The following FSTL5 variants were observed in gnomAD, a reference collection of about 807,000 sequenced individuals.
FSTL5 encodes the protein follistatin like 5.
FSTL5 carries 62 observed loss-of-function variants against 89.1 expected under a neutral mutation model. The ratio of observed to expected loss-of-function variants is 0.70; its 90% confidence interval spans 0.57 to 0.86. The LOEUF (loss-of-function observed/expected upper bound fraction) is 0.86, where lower values mean the gene tolerates loss of function less well. Among genes scored for constraint, FSTL5 ranks in the 40% least tolerant of loss-of-function variants. The probability of loss-of-function intolerance (pLI) is 0.00; values close to 1 mark genes in which losing one functional copy is unlikely to be tolerated. For synonymous variants in FSTL5, 383 were observed against 346.2 expected, an observed-to-expected ratio of 1.11 and a Z score of -1.18; for missense variants, 1,057 against 1,001.6, an observed-to-expected ratio of 1.06 and a Z score of -0.75.
chr4:161,893,992 A>T (rs999265337), intron 4 of FSTL5, among the ~76,000 whole-genome samples: 1 of 152,206 alleles, frequency 6.6e-6, no homozygotes, highest in Non-Finnish European at 1.5e-5. Context: ...AATTTTGCCC[A>T]TTGTAGAAAC....
intron 15 of FSTL5, among the ~76,000 whole-genome samples, chr4:161,419,904 T>A (rs1033861561): frequency 6.6e-6 from 1 of 152,158 alleles, no homozygotes; most frequent in African/African-American, 2.4e-5. Context: ...ACAATAACCA[T>A]TCAGCTGAAG....
intron 3 of FSTL5, among the ~76,000 whole-genome samples, chr4:161,977,635 A>T (rs1308659570): frequency 6.4e-4 from 78 of 122,188 alleles, no homozygotes; most frequent in South Asian, 2.8e-3. Context: ...AAAAAAAAAA[A>T]AAAAAATAAT....
chr4:162,150,806 G>A (rs531049006), intron 1 of FSTL5, among the ~76,000 whole-genome samples: 312 of 152,056 alleles, frequency 2.1e-3, no homozygotes, highest in Non-Finnish European at 3.7e-3. Context: ...TCAACTTCTG[G>A]GGAAATGTTA....
chr4:161,475,386 T>C (rs1051080489), intron 13 of FSTL5, among the ~76,000 whole-genome samples: 1 of 152,162 alleles, frequency 6.6e-6, no homozygotes, highest in African/African-American at 2.4e-5. Context: ...GCAGTGCATA[T>C]GTTGGTACAC....
intron 8 of FSTL5, among the ~76,000 whole-genome samples, chr4:161,579,574 G>A (rs1466723910): frequency 6.6e-6 from 1 of 151,858 alleles, no homozygotes; most frequent in African/African-American, 2.4e-5. Context: ...AAAATTAGCT[G>A]GGCATGGTGG....
At chr4:161,470,649 T>G (rs1213124836) in intron 13 of FSTL5, among the ~76,000 whole-genome samples, 1 of 152,102 alleles carries the variant, frequency 6.6e-6, no homozygotes, top group Admixed American at 6.6e-5. Context: ...GGGATTTTGA[T>G]AAGAATTTCA....
At chr4:162,128,596 T>C (rs571015071) in intron 1 of FSTL5, among the ~76,000 whole-genome samples, 1 of 152,256 alleles carries the variant, frequency 6.6e-6, no homozygotes, top group South Asian at 2.1e-4. Flanking sequence ...TTTATAACCT[T>C]CCCAGCTTAT....
intron 3 of FSTL5, among the ~76,000 whole-genome samples, chr4:161,979,870 G>A (rs1332837314): frequency 6.6e-6 from 1 of 152,064 alleles, no homozygotes; most frequent in Non-Finnish European, 1.5e-5. Flanking sequence ...TCCATAATGA[G>A]TGACTGTTTC....
chr4:161,839,736 G>A (rs1324543714), intron 4 of FSTL5, among the ~76,000 whole-genome samples: 1 of 152,190 alleles, frequency 6.6e-6, no homozygotes, highest in African/African-American at 2.4e-5. Flanking sequence ...AAAAGGGAAT[G>A]AAAGACTTTA....
At chr4:161,489,673 T>C (rs1302939714) in intron 12 of FSTL5, among the ~76,000 whole-genome samples, 1 of 151,988 alleles carries the variant, frequency 6.6e-6, no homozygotes, top group Non-Finnish European at 1.5e-5. Flanking sequence ...GGGAAAAAAA[T>C]TAAAACTAAA....
chr4:161,903,034 A>G (rs532462192), intron 4 of FSTL5, among the ~76,000 whole-genome samples: 4 of 152,318 alleles, frequency 2.6e-5, no homozygotes, highest in African/African-American at 9.6e-5. Flanking sequence ...TACTCATACT[A>G]GAAACGGAGT....
chr4:161,553,267 A>T (rs867765065), intron 8 of FSTL5, among the ~76,000 whole-genome samples: 44 of 151,544 alleles, frequency 2.9e-4, no homozygotes, highest in South Asian at 2.5e-3. Context: ...CAAATAATTT[A>T]TTATGTATAT....
intron 2 of FSTL5, among the ~76,000 whole-genome samples, chr4:162,087,045 A>G (rs1730349839): frequency 6.6e-6 from 1 of 152,114 alleles, no homozygotes. Context: ...AAATTTGAGA[A>G]AATCCATAAA....
chr4:161,611,535 A>G (rs988908816), intron 7 of FSTL5, among the ~76,000 whole-genome samples: 1 of 152,018 alleles, frequency 6.6e-6, no homozygotes, highest in Non-Finnish European at 1.5e-5. Flanking sequence ...ATTCCCAAAT[A>G]TTTATATAAT....
At chr4:161,579,856 A>G (rs1240594354) in intron 8 of FSTL5, among the ~76,000 whole-genome samples, 1 of 152,148 alleles carries the variant, frequency 6.6e-6, no homozygotes, top group Non-Finnish European at 1.5e-5. Context: ...CCAAAGTCAT[A>G]CATTTTCAAG....
rs73860716 is a variant in FSTL5, at chr4:161,762,326, C to T, written c.607-2795G>A. ...ATGGTCAAAAAGAAAGTATGAAAAA[C>T]TACACAAGTAGACTTCCTTCCTCAG... On this transcript the variant is annotated intron_variant, in intron 5 of 15. Transcript: ENST00000306100. Among the ~76,000 whole-genome samples the T allele has an allele frequency of 2.9e-3, 441 of 152,202 alleles. 1 individual carries two copies. Among genetic ancestry groups the T allele is most frequent in the African/African-American group, 9.2e-3 (381 of 41,538 alleles).
chr4:161,531,822 A>G (rs1189393199), intron 10 of FSTL5, among the ~76,000 whole-genome samples: 2 of 152,194 alleles, frequency 1.3e-5, no homozygotes, highest in Non-Finnish European at 2.9e-5. Flanking sequence ...ATTTGTATGC[A>G]TTATTATAAA....
intron 10 of FSTL5, among the ~76,000 whole-genome samples, chr4:161,525,157 T>C (rs575989558): frequency 6.6e-6 from 1 of 152,104 alleles, no homozygotes; most frequent in African/African-American, 2.4e-5. Flanking sequence ...CTACTATATA[T>C]TATTGTTGCC....
chr4:161,675,736 TG>T (rs1333324780), intron 6 of FSTL5, among the ~76,000 whole-genome samples: 4 of 151,976 alleles, frequency 2.6e-5, no homozygotes, highest in Non-Finnish European at 2.9e-5. Context: ...TAAAGGAAAT[TG>T]TTTTTTTACT....
Sources: allele counts gnomAD v4.1 joint callset (sites outside exome capture counted in the v4.1 genomes callset), GRCh38; gene constraint gnomAD v4.1.1; transcripts MANE v1.5; gene names NCBI Gene and HGNC (gene_info 2026-07-23, HGNC 2026-07-21).